EPB41L4A: variants seen among roughly 807,000 people sequenced by gnomAD.
EPB41L4A encodes the protein band 4.1-like protein 4A.
In EPB41L4A, 100 loss-of-function variants were observed where a neutral mutation model predicts 108.6. The ratio of observed to expected loss-of-function variants is 0.92; its 90% CI spans 0.78 to 1.09. EPB41L4A has a LOEUF of 1.09. Among genes scored for constraint, EPB41L4A ranks in the 50% least tolerant of loss-of-function variants. The pLI is 0.00. For synonymous variants in EPB41L4A, 319 were observed against 289.0 expected, an observed-to-expected ratio of 1.10 and a Z score of -1.05; for missense variants, 1,030 against 842.7, an observed-to-expected ratio of 1.22 and a Z score of -2.75.
At chr5:112,168,915 C>A in intron 21 of EPB41L4A, 80 bp downstream of exon 21, 2 of 1,489,936 alleles carry the variant, frequency 1.3e-6, no homozygotes, top group Non-Finnish European at 9.4e-7. Context: ...TAAAACATTT[C>A]CATCAGCAAG....
chr5:112,228,358 T>G (rs374132858), intron 12 of EPB41L4A: 2 of 152,390 alleles, frequency 1.3e-5, no homozygotes, highest in Non-Finnish European at 2.9e-5. Flanking sequence ...AAGCGGTAAG[T>G]AGCTGTCCTC....
intron 1 of EPB41L4A, among the ~76,000 whole-genome samples, chr5:112,406,105 A>G (rs1210409783): frequency 6.6e-6 from 1 of 152,220 alleles, no homozygotes; most frequent in African/African-American, 2.4e-5. Flanking sequence ...TGAAAGAAAA[A>G]GAAGCAGGCT....
In EPB41L4A at chr5:112,376,505, T is replaced by C. The variant is rs1470518749; in HGVS notation, c.99+42436A>G. On this transcript the variant is annotated intron_variant, in intron 1 of 22. Transcript: ENST00000261486. ...TAAGAAATTAAACACACAACTGCCA[T>C]ATAACCCAGCTTTTGCTCTCTTTGG... Among the ~76,000 whole-genome samples, 4 of 152,242 alleles carry C rather than the reference T, an allele frequency of 2.6e-5. No individual in the cohort carries two copies. The East Asian group carries it at 5.8e-4, about 22-fold the overall frequency.
intron 1 of EPB41L4A, among the ~76,000 whole-genome samples, chr5:112,385,932 T>C (rs1373296038): frequency 1.3e-5 from 2 of 152,248 alleles, no homozygotes; most frequent in Non-Finnish European, 2.9e-5. Context: ...TTTCTTCCTC[T>C]AAGGTTTACT....
In EPB41L4A at chr5:112,313,462, G is replaced by A. The variant is rs576715761; in HGVS notation, c.100-5972C>T. On this transcript the variant is annotated intron_variant, in intron 1 of 22. Coordinates refer to ENST00000261486, the MANE Select transcript of EPB41L4A (RefSeq NM_022140.5). Reference sequence around the variant, plus strand: ...AAAACTTAGCTGGGCGTAGTGGCGCGCGCCTGTAATCCCAGCTTCTCAGGA... The same window carrying A: ...AAAACTTAGCTGGGCGTAGTGGCGCACGCCTGTAATCCCAGCTTCTCAGGA... Among the ~76,000 whole-genome samples, 545 of 152,168 alleles carry A rather than the reference G, an allele frequency of 3.6e-3. 4 individuals carry two copies. The highest frequency in any genetic ancestry group is 6.8e-3 in the Middle Eastern group (2 of 294).
At chr5:112,260,059 A>AT in intron 7 of EPB41L4A, 80 bp from the exon 8 acceptor site, 1 of 1,012,560 alleles carries the variant, frequency 9.9e-7, no homozygotes, top group Non-Finnish European at 1.5e-6. Flanking sequence ...ATACAAATAT[A>AT]ATTTGTTACA....
At chr5:112,220,063 T>C (rs6873051) in intron 12 of EPB41L4A, among the ~76,000 whole-genome samples, 11,621 of 152,290 alleles carry the variant, frequency 0.076, 504 homozygotes, top group African/African-American at 0.099. Flanking sequence ...GTATCAAATC[T>C]ATTTACAAAT....
At chr5:112,414,073 G>A (rs979745141) in intron 1 of EPB41L4A, among the ~76,000 whole-genome samples, 7 of 152,228 alleles carry the variant, frequency 4.6e-5, no homozygotes, top group African/African-American at 1.2e-4. Flanking sequence ...GAAACGACTC[G>A]GCTAGTAAGT....
chr5:112,296,071 C>G (rs1421737473), intron 2 of EPB41L4A, among the ~76,000 whole-genome samples: 1 of 152,154 alleles, frequency 6.6e-6, no homozygotes, highest in Non-Finnish European at 1.5e-5. Flanking sequence ...TTAATAATGA[C>G]TGGCTTTGTC....
intron 9 of EPB41L4A, among the ~76,000 whole-genome samples, chr5:112,256,440 A>C (rs1561516146): frequency 6.6e-6 from 1 of 152,182 alleles, no homozygotes; most frequent in African/African-American, 2.4e-5. Flanking sequence ...ACCTATAAAA[A>C]TTTATGAGAA....
At chr5:112,357,932 CA>C (rs1324117955) in intron 1 of EPB41L4A, among the ~76,000 whole-genome samples, 4 of 152,218 alleles carry the variant, frequency 2.6e-5, no homozygotes, top group African/African-American at 9.6e-5. Context: ...AACAAAATTA[CA>C]AGGCTGTGGA....
At position 112,234,626 on chromosome 5, in the gene EPB41L4A, T is replaced by G; in HGVS notation, c.1087+8A>C. The G allele has an allele frequency of 1.2e-6, 2 of 1,612,218 alleles. No individual in the cohort carries two copies. The highest frequency in any genetic ancestry group is 1.7e-6 in the Non-Finnish European group (2 of 1,178,674). On this transcript the variant is annotated splice_region_variant and intron_variant, in intron 12 of 22. Coordinates refer to ENST00000261486, the MANE Select transcript of EPB41L4A (RefSeq NM_022140.5). Reference sequence around the variant, plus strand: ...TTACATAGATAACTCAGGGGAACCATGACTTACCAGCTGGCTGTGTTTGTG... The same window carrying G: ...TTACATAGATAACTCAGGGGAACCAGGACTTACCAGCTGGCTGTGTTTGTG...
intron 12 of EPB41L4A, among the ~76,000 whole-genome samples, chr5:112,223,843 T>C (rs1748252548): frequency 6.6e-6 from 1 of 151,568 alleles, no homozygotes; most frequent in Non-Finnish European, 1.5e-5. Flanking sequence ...ACAGGCAAAA[T>C]CTCATATTCA....
chr5:112,311,909 T>C (rs955503648), intron 1 of EPB41L4A, among the ~76,000 whole-genome samples: 1 of 152,180 alleles, frequency 6.6e-6, no homozygotes, highest in Non-Finnish European at 1.5e-5. Flanking sequence ...CTAGAGCAGG[T>C]AGAGCCACAC....
chr5:112,265,096 G>T, intron 5 of EPB41L4A, 80 bp from the exon 6 acceptor site: 5 of 1,229,452 alleles, frequency 4.1e-6, no homozygotes, highest in Non-Finnish European at 4.4e-6. Context: ...TTCCTAACAT[G>T]CTTAAACATT....
chr5:112,389,028 A>G (rs183507176), intron 1 of EPB41L4A, among the ~76,000 whole-genome samples: 334 of 152,320 alleles, frequency 2.2e-3, no homozygotes, highest in Non-Finnish European at 3.6e-3. Context: ...AACTTATGCT[A>G]AAGTAATTTC....
intron 1 of EPB41L4A, among the ~76,000 whole-genome samples, chr5:112,369,512 T>C (rs1382467389): frequency 2.0e-5 from 3 of 152,238 alleles, no homozygotes; most frequent in African/African-American, 7.2e-5. Flanking sequence ...TTATATGCTA[T>C]GTATTCTATT....
At position 112,360,748 on chromosome 5, in the gene EPB41L4A, G is replaced by A. The variant is rs557838525; in HGVS notation, c.100-53258C>T. The stretch of plus-strand genomic sequence containing the variant: ...CCCGGCTGCCCAGTCTGGGAAGTGA[G>A]GAGCGCCTCTTCCCGGTCGTCATCC... On this transcript the variant is annotated intron_variant, in intron 1 of 22. Coordinates refer to ENST00000261486, the MANE Select transcript of EPB41L4A (RefSeq NM_022140.5). Among the ~76,000 whole-genome samples, 4 of 152,236 alleles carry A rather than the reference G, an allele frequency of 2.6e-5. No individual in the cohort carries two copies. The South Asian group carries it at 8.3e-4, about 32-fold the overall frequency.
chr5:112,419,541 G>A, upstream of EPB41L4A: 1 of 426,078 alleles, frequency 2.3e-6, no homozygotes, highest in Non-Finnish European at 4.7e-6. Flanking sequence ...AGTCCCCCGC[G>A]GGCGCGCACT....
Sources: gnomAD v4.1 joint callset for allele counts (sites outside exome capture counted in the v4.1 genomes callset) on GRCh38, gnomAD v4.1.1 for gene constraint, MANE v1.5 for transcripts, NCBI Gene and HGNC (gene_info 2026-07-23, HGNC 2026-07-21) for gene names.